The following MACROD2 variants were observed in gnomAD, a reference collection of about 807,000 sequenced individuals.
MACROD2 encodes the protein mono-ADP ribosylhydrolase 2, also known as ADP-ribose glycohydrolase MACROD2.
MACROD2 carries 36 observed loss-of-function variants against 70.4 expected under a neutral mutation model. The ratio of observed to expected loss-of-function variants is 0.51; its 90% confidence interval spans 0.39 to 0.68. The LOEUF is 0.68. Among genes scored for constraint, MACROD2 ranks in the 30% least tolerant of loss-of-function variants. The pLI, the probability that MACROD2 is intolerant of heterozygous loss-of-function variation, is 0.00. For synonymous variants in MACROD2, 172 were observed against 178.8 expected (o/e 0.96, Z 0.30); for missense variants, 496 against 538.4 (o/e 0.92, Z 0.78).
chr20:14,208,160 T>G (rs1320787315), intron 3 of MACROD2, among the ~76,000 whole-genome samples: 1 of 152,140 alleles, frequency 6.6e-6, no homozygotes, highest in Non-Finnish European at 1.5e-5. Flanking sequence ...GAAGGTGATT[T>G]GGGGTCAGCT....
intron 9 of MACROD2, among the ~76,000 whole-genome samples, chr20:15,875,051 G>C (rs544435068): frequency 6.6e-6 from 1 of 152,216 alleles, no homozygotes; most frequent in East Asian, 1.9e-4. Context: ...TTGAGCTAAG[G>C]AACATGGGCA....
chr20:15,096,694 T>C (rs1314000312), intron 5 of MACROD2, among the ~76,000 whole-genome samples: 1 of 151,512 alleles, frequency 6.6e-6, no homozygotes, highest in East Asian at 1.9e-4. Flanking sequence ...ATATTTTTAG[T>C]AGAAACAAGC....
Position 14,716,407 on chromosome 20 carries a change from C to T in MACROD2, c.418+31448C>T, listed in dbSNP as rs549969707. Among the ~76,000 whole-genome samples, 3 of 152,274 alleles carry T rather than the reference C, an allele frequency of 2.0e-5. No homozygotes were observed. The East Asian group carries it at 5.8e-4, about 29-fold the overall frequency. On this transcript the variant is annotated intron_variant, in intron 5 of 17. Transcript: ENST00000684519. ...TGATCACAGGGGAGTGAGCAGGCTT[C>T]AGTGGTTCTTAAAAAGACAATTTCC...
At chr20:15,671,153 A>G (rs572203333) in intron 8 of MACROD2, among the ~76,000 whole-genome samples, 1 of 152,248 alleles carries the variant, frequency 6.6e-6, no homozygotes, top group South Asian at 2.1e-4. Flanking sequence ...GCTCTACATT[A>G]TGGATTTGGC....
intron 8 of MACROD2, among the ~76,000 whole-genome samples, chr20:15,704,363 C>G (rs1288286382): frequency 1.3e-5 from 2 of 152,092 alleles, no homozygotes; most frequent in Non-Finnish European, 2.9e-5. Context: ...TTCTGAGGAA[C>G]TCAGTTCTTC....
chr20:15,270,430 C>T, intron 6 of MACROD2, among the ~76,000 whole-genome samples: 1 of 152,038 alleles, frequency 6.6e-6, no homozygotes, highest in South Asian at 2.1e-4. Context: ...TAATGGAGAA[C>T]AGATGAGTGA....
chr20:14,127,947 G>T (rs2054673090), intron 3 of MACROD2: 2 of 513,016 alleles, frequency 3.9e-6, no homozygotes, highest in South Asian at 1.5e-5. Context: ...GTATGTAGAA[G>T]ACGTAGTTGT....
intron 8 of MACROD2, among the ~76,000 whole-genome samples, chr20:15,729,073 A>G (rs1011730390): frequency 2.0e-5 from 3 of 152,146 alleles, no homozygotes; most frequent in Non-Finnish European, 2.9e-5. Flanking sequence ...AGATTCTGGT[A>G]TATTGTATCT....
At chr20:15,335,089 A>T (rs1431779912) in intron 6 of MACROD2, among the ~76,000 whole-genome samples, 1 of 151,778 alleles carries the variant, frequency 6.6e-6, no homozygotes, top group Non-Finnish European at 1.5e-5. Context: ...CAGCAGGGAA[A>T]ATCAAGATTG....
intron 3 of MACROD2, among the ~76,000 whole-genome samples, chr20:14,234,171 C>G (rs1194505169): frequency 6.6e-6 from 1 of 152,056 alleles, no homozygotes; most frequent in Admixed American, 6.6e-5. Flanking sequence ...GGACTCTGTA[C>G]TTTATGACCA....
At chr20:15,708,324 A>G (rs192265511) in intron 8 of MACROD2, among the ~76,000 whole-genome samples, 1 of 152,240 alleles carries the variant, frequency 6.6e-6, no homozygotes, top group Admixed American at 6.5e-5. Flanking sequence ...GGAAGGAAGA[A>G]AAATTTGGGT....
rs565846548 is a variant in MACROD2, at chr20:15,109,532, C to T, written c.419-120408C>T. Among the ~76,000 whole-genome samples the T allele has an allele frequency of 1.4e-4, 21 of 152,066 alleles. 1 individual carries two copies. The highest frequency in any genetic ancestry group is 3.4e-3 in the Middle Eastern group (1 of 294). ...CTGACTGTGCCCCAGAAAGAAAAGA[C>T]GATTGCAAACAAAATGGGATATGTC... On this transcript the variant is annotated intron_variant, in intron 5 of 17. Coordinates refer to ENST00000684519, the MANE Select transcript of MACROD2 (RefSeq NM_001351661.2).
At chr20:15,518,517 T>G (rs1418971770) in intron 8 of MACROD2, among the ~76,000 whole-genome samples, 1 of 152,150 alleles carries the variant, frequency 6.6e-6, no homozygotes, top group African/African-American at 2.4e-5. Context: ...TAGACCTAAA[T>G]TTTGTGGGCC....
chr20:14,780,388 C>T (rs780171056), intron 5 of MACROD2, among the ~76,000 whole-genome samples: 3 of 151,856 alleles, frequency 2.0e-5, no homozygotes, highest in African/African-American at 4.8e-5. Flanking sequence ...CATGGAAAAA[C>T]GCCATCTCTA....
At chr20:15,274,446 C>A (rs1460714685) in intron 6 of MACROD2, among the ~76,000 whole-genome samples, 1 of 152,216 alleles carries the variant, frequency 6.6e-6, no homozygotes, top group Non-Finnish European at 1.5e-5. Context: ...TCTCCTGGTT[C>A]TTACTCTAGA....
chr20:14,204,619 C>G (rs2081508026), intron 3 of MACROD2, among the ~76,000 whole-genome samples: 1 of 152,198 alleles, frequency 6.6e-6, no homozygotes, highest in Non-Finnish European at 1.5e-5. Context: ...TTGGGAATCT[C>G]TCACATACCC....
chr20:14,694,561 C>T (rs6042857), intron 5 of MACROD2, among the ~76,000 whole-genome samples: 132,913 of 152,184 alleles, frequency 0.87, 58,536 homozygotes, highest in East Asian at 1. Context: ...AGTTTCTTAT[C>T]TCATATGGTA....
intron 3 of MACROD2, among the ~76,000 whole-genome samples, chr20:14,490,111 G>A (rs1200932681): frequency 6.6e-6 from 1 of 152,116 alleles, no homozygotes; most frequent in Admixed American, 6.5e-5. Flanking sequence ...TTCCAGGAAA[G>A]GGATTCCTAT....
chr20:14,650,370 T>C (rs1442559625), intron 4 of MACROD2, among the ~76,000 whole-genome samples: 1 of 152,218 alleles, frequency 6.6e-6, no homozygotes, highest in Non-Finnish European at 1.5e-5. Flanking sequence ...ATGAAATTGA[T>C]CTTGATCTAT....
Sources: gnomAD v4.1 joint callset for allele counts (sites outside exome capture counted in the v4.1 genomes callset) on GRCh38, gnomAD v4.1.1 for gene constraint, MANE v1.5 for transcripts, NCBI Gene and HGNC (gene_info 2026-07-23, HGNC 2026-07-21) for gene names.